Variants in GPHN observed in about 807,000 individuals in gnomAD.
GPHN encodes the protein gephyrin.
GPHN carries 17 observed loss-of-function variants against 95.5 expected under a neutral mutation model. The ratio of observed to expected loss-of-function variants is 0.18; its 90% confidence interval spans 0.12 to 0.27. The LOEUF is 0.27. Among genes scored for constraint, GPHN ranks in the 10% least tolerant of loss-of-function variants. GPHN has a pLI of 1.00. For synonymous variants in GPHN, 320 were observed against 322.5 expected (o/e 0.99, Z 0.08); for missense variants, 660 against 978.1 (o/e 0.67, Z 4.34).
At chr14:66,903,257 T>C (rs1304544959) in intron 5 of GPHN, among the ~76,000 whole-genome samples, 1 of 152,172 alleles carries the variant, frequency 6.6e-6, no homozygotes, top group East Asian at 1.9e-4. Context: ...TAATGTTTGC[T>C]TTATATACTT....
intron 2 of GPHN, among the ~76,000 whole-genome samples, chr14:66,734,277 A>G (rs2072058235): frequency 1.3e-5 from 2 of 151,512 alleles, no homozygotes; most frequent in African/African-American, 2.4e-5. Context: ...CTTCTCTCCA[A>G]TCTCATCTCA....
At chr14:67,363,317 T>A in the GPHN span, among the ~76,000 whole-genome samples, 4 of 152,082 alleles carry the variant, frequency 2.6e-5, no homozygotes, top group Non-Finnish European at 5.9e-5. Flanking sequence ...CCCTATTTTG[T>A]AGGGATTTTG....
At chr14:66,827,159 C>G (rs1044186409) in intron 4 of GPHN, among the ~76,000 whole-genome samples, 1 of 152,050 alleles carries the variant, frequency 6.6e-6, no homozygotes, top group African/African-American at 2.4e-5. Context: ...GTGGCACACG[C>G]CTGTAATCCC....
At chr14:67,279,665 C>G in the GPHN span, 3 of 953,782 alleles carry the variant, frequency 3.1e-6, no homozygotes, top group Non-Finnish European at 4.4e-6. Flanking sequence ...GACCAAGATC[C>G]TTTGTTTTCG....
the GPHN span, among the ~76,000 whole-genome samples, chr14:67,525,410 T>C: frequency 1.3e-5 from 2 of 152,240 alleles, no homozygotes; most frequent in African/African-American, 4.8e-5. Flanking sequence ...GAATCATAAT[T>C]TTAATACTTT....
chr14:67,037,238 A>G (rs1386810973), intron 10 of GPHN, among the ~76,000 whole-genome samples: 2 of 152,056 alleles, frequency 1.3e-5, no homozygotes, highest in Non-Finnish European at 2.9e-5. Context: ...TCTTTGCAAA[A>G]GAACGAAGAC....
At chr14:67,519,719 T>TG in the GPHN span, among the ~76,000 whole-genome samples, 11 of 151,786 alleles carry the variant, frequency 7.2e-5, no homozygotes, top group Admixed American at 6.6e-4. Context: ...AGTTTGTTTT[T>TG]TTTTTTTTTT....
intron 8 of GPHN, among the ~76,000 whole-genome samples, chr14:66,939,089 T>C (rs1854566871): frequency 6.6e-6 from 1 of 152,192 alleles, no homozygotes; most frequent in South Asian, 2.1e-4. Flanking sequence ...ATACAACTCT[T>C]GGAGTCAAAA....
intron 7 of GPHN, among the ~76,000 whole-genome samples, chr14:66,923,658 T>C (rs1441662811): frequency 6.6e-6 from 1 of 152,146 alleles, no homozygotes; most frequent in East Asian, 1.9e-4. Flanking sequence ...TGCCTTAATA[T>C]CTACAGAAAG....
At chr14:66,765,431 A>G (rs1208465688) in intron 2 of GPHN, among the ~76,000 whole-genome samples, 5 of 152,166 alleles carry the variant, frequency 3.3e-5, no homozygotes, top group Admixed American at 1.3e-4. Context: ...CATCAGTGGT[A>G]GACTGGATAA....
chr14:67,105,108 G>A (rs72715369), intron 13 of GPHN, among the ~76,000 whole-genome samples: 8,285 of 151,968 alleles, frequency 0.055, 237 homozygotes, highest in Middle Eastern at 0.068. Context: ...GGTTGCTCGG[G>A]AGCATATTTT....
chr14:67,288,083 CT>C, the GPHN span, among the ~76,000 whole-genome samples: 20 of 150,898 alleles, frequency 1.3e-4, no homozygotes, highest in African/African-American at 4.9e-4. Context: ...TGGGGTCTCC[CT>C]TTTTTTTTCC....
At chr14:66,976,469 C>T (rs907572004) in intron 9 of GPHN, among the ~76,000 whole-genome samples, 1 of 151,956 alleles carries the variant, frequency 6.6e-6, no homozygotes, top group African/African-American at 2.4e-5. Flanking sequence ...ATTTAATATC[C>T]CATTTTGACT....
chr14:66,841,010 G>C (rs1341295359), intron 4 of GPHN, among the ~76,000 whole-genome samples: 1 of 144,604 alleles, frequency 6.9e-6, no homozygotes, highest in Non-Finnish European at 1.5e-5. Context: ...TATAGATATA[G>C]ATATAGATAT....
chr14:67,259,522 G>A, the GPHN span, among the ~76,000 whole-genome samples: 3 of 152,132 alleles, frequency 2.0e-5, no homozygotes, highest in Non-Finnish European at 4.4e-5. Context: ...TGAGGCAGGA[G>A]AATTGCGTGA....
At chr14:66,699,956 T>G (rs1236389532) in intron 2 of GPHN, among the ~76,000 whole-genome samples, 9 of 152,236 alleles carry the variant, frequency 5.9e-5, no homozygotes, top group African/African-American at 1.9e-4. Flanking sequence ...TGTTTTCTTA[T>G]GACTGGATAA....
At chr14:66,686,040 A>C (rs951492350) in intron 2 of GPHN, among the ~76,000 whole-genome samples, 4 of 152,342 alleles carry the variant, frequency 2.6e-5, no homozygotes, top group East Asian at 1.9e-4. Flanking sequence ...CAGGTTTGTC[A>C]AAGATCAGAT....
At chr14:66,806,383 T>C (rs1467185379) in intron 3 of GPHN, among the ~76,000 whole-genome samples, 1 of 152,210 alleles carries the variant, frequency 6.6e-6, no homozygotes, top group African/African-American at 2.4e-5. Context: ...TTCTTGGGGA[T>C]TAACATTCGG....
At chr14:67,579,714 G>C in the GPHN span, 2 of 1,611,294 alleles carry the variant, frequency 1.2e-6, no homozygotes, top group Non-Finnish European at 1.7e-6. Flanking sequence ...CTCTTCTCCC[G>C]CCTCAGGTGG....
Sources: gnomAD v4.1 joint callset for allele counts (sites outside exome capture counted in the v4.1 genomes callset) on GRCh38, gnomAD v4.1.1 for gene constraint, MANE v1.5 for transcripts, NCBI Gene and HGNC (gene_info 2026-07-23, HGNC 2026-07-21) for gene names.